The following NRXN3 variants were observed in gnomAD, a reference collection of about 807,000 sequenced individuals.
NRXN3 encodes neurexin 3.
Under a neutral mutation model 137.6 loss-of-function variants are expected in NRXN3, and 32 were observed. That is an observed-to-expected ratio of 0.23 (90% CI 0.18 to 0.31). The LOEUF (loss-of-function observed/expected upper bound fraction) is 0.31, where lower values mean the gene tolerates loss of function less well. Among genes scored for constraint, NRXN3 ranks in the 10% least tolerant of loss-of-function variants. The pLI is 1.00. For missense variants in NRXN3, 1,574 were observed against 2,062.5 expected (o/e 0.76, Z 4.59); for synonymous variants, 798 against 784.5 (o/e 1.02, Z -0.29).
intron 10 of NRXN3, among the ~76,000 whole-genome samples, chr14:78,822,562 C>A (rs1396218203): frequency 6.6e-6 from 1 of 151,952 alleles, no homozygotes; most frequent in Non-Finnish European, 1.5e-5. Flanking sequence ...GCAATCCCAG[C>A]TACTTGGGAG....
intron 4 of NRXN3, among the ~76,000 whole-genome samples, chr14:78,413,527 C>T (rs913277653): frequency 5.3e-5 from 8 of 152,144 alleles, no homozygotes; most frequent in East Asian, 3.9e-4. Flanking sequence ...TCAGGTGGTC[C>T]GGCCGAGGCC....
intron 15 of NRXN3, among the ~76,000 whole-genome samples, chr14:79,327,096 T>C (rs2153290822): frequency 6.6e-6 from 1 of 152,330 alleles, no homozygotes; most frequent in Non-Finnish European, 1.5e-5. Context: ...CTTTCTTCTT[T>C]CTTTCACACC....
chr14:78,320,693 C>T (rs75114953), intron 4 of NRXN3, among the ~76,000 whole-genome samples: 2,423 of 152,236 alleles, frequency 0.016, 70 homozygotes, highest in African/African-American at 0.055. Context: ...TTGGGGGTAC[C>T]GTGTGGCTTT....
chr14:79,614,032 T>C (rs1294208506), intron 16 of NRXN3, among the ~76,000 whole-genome samples: 4 of 152,260 alleles, frequency 2.6e-5, no homozygotes, highest in Non-Finnish European at 4.4e-5. Context: ...TAACAATTCA[T>C]GTCCAATTAT....
At chr14:78,869,544 C>T (rs961002745) in intron 10 of NRXN3, among the ~76,000 whole-genome samples, 1 of 152,136 alleles carries the variant, frequency 6.6e-6, no homozygotes, top group African/African-American at 2.4e-5. Flanking sequence ...TGTGATGGTG[C>T]TTCAGCCTGT....
chr14:79,182,601 T>C (rs1442260888), intron 15 of NRXN3, among the ~76,000 whole-genome samples: 2 of 152,172 alleles, frequency 1.3e-5, no homozygotes, highest in African/African-American at 2.4e-5. Flanking sequence ...TAAATACAGA[T>C]GAAGCTTTGC....
chr14:78,638,683 G>T (rs771130166), intron 4 of NRXN3, among the ~76,000 whole-genome samples: 1 of 152,214 alleles, frequency 6.6e-6, no homozygotes, highest in Non-Finnish European at 1.5e-5. Context: ...GGCTCTTAGA[G>T]GTAGGTGTTC....
intron 15 of NRXN3, among the ~76,000 whole-genome samples, chr14:79,039,410 C>T (rs1407933811): frequency 2.6e-5 from 4 of 152,032 alleles, no homozygotes; most frequent in Admixed American, 2.6e-4. Context: ...TTTTTATCCC[C>T]CTTATTTCCT....
intron 15 of NRXN3, among the ~76,000 whole-genome samples, chr14:79,397,414 A>C (rs557649896): frequency 5.9e-5 from 9 of 152,348 alleles, no homozygotes; most frequent in African/African-American, 2.2e-4. Flanking sequence ...ATGAATGAAC[A>C]AACACTTGGA....
intron 15 of NRXN3, among the ~76,000 whole-genome samples, chr14:79,239,963 AT>A (rs1364992859): frequency 2.0e-5 from 3 of 152,158 alleles, no homozygotes; most frequent in Admixed American, 1.3e-4. Flanking sequence ...AAACAATCAA[AT>A]TTATAGAGGC....
intron 10 of NRXN3, among the ~76,000 whole-genome samples, chr14:78,839,988 A>T (rs1248526201): frequency 1.3e-5 from 2 of 152,226 alleles, no homozygotes; most frequent in Non-Finnish European, 2.9e-5. Context: ...ATTCTGGAGC[A>T]TTAATGCAAG....
chr14:79,090,020 C>T (rs2048864245), intron 15 of NRXN3, among the ~76,000 whole-genome samples: 1 of 152,130 alleles, frequency 6.6e-6, no homozygotes, highest in Non-Finnish European at 1.5e-5. Flanking sequence ...TAAACTAACA[C>T]ATTTTGGATT....
chr14:78,642,538 G>T (rs17757157), intron 4 of NRXN3, among the ~76,000 whole-genome samples: 1 of 152,140 alleles, frequency 6.6e-6, no homozygotes, highest in African/African-American at 2.4e-5. Flanking sequence ...GGCACACAAG[G>T]TATAACTTAA....
At chr14:78,290,566 G>A (rs528972762) in intron 3 of NRXN3, among the ~76,000 whole-genome samples, 46 of 152,228 alleles carry the variant, frequency 3.0e-4, no homozygotes, top group African/African-American at 1.0e-3. Flanking sequence ...CAGGAGTTTA[G>A]GGCTGCAGTG....
chr14:79,811,770 G>A (rs1159553543), intron 20 of NRXN3, among the ~76,000 whole-genome samples: 1 of 151,612 alleles, frequency 6.6e-6, no homozygotes, highest in Admixed American at 6.6e-5. Flanking sequence ...TTTTAGTAGA[G>A]ACGGGTTTTC....
intron 6 of NRXN3, among the ~76,000 whole-genome samples, chr14:78,693,656 CGTGTGTGTGTGTGTGTGTGTGT>C (rs4016744): frequency 9.7e-4 from 110 of 113,986 alleles, no homozygotes; most frequent in African/African-American, 1.1e-3. Flanking sequence ...AGTTGATTTT[CGTGTGTGTGTGTGTGTGTGTGT>C]GTGTGTGTGT....
chr14:79,053,399 T>C (rs2099644833), intron 15 of NRXN3, among the ~76,000 whole-genome samples: 1 of 152,218 alleles, frequency 6.6e-6, no homozygotes, highest in South Asian at 2.1e-4. Context: ...GAGCTGGGAT[T>C]TGATCCAGGG....
intron 19 of NRXN3, among the ~76,000 whole-genome samples, chr14:79,705,571 T>G (rs1418490614): frequency 6.6e-6 from 1 of 152,166 alleles, no homozygotes; most frequent in Non-Finnish European, 1.5e-5. Context: ...CCGTTAAATC[T>G]TACACCTTAA....
intron 6 of NRXN3, among the ~76,000 whole-genome samples, chr14:78,698,759 T>C (rs1428968425): frequency 6.6e-6 from 1 of 152,046 alleles, no homozygotes; most frequent in Non-Finnish European, 1.5e-5. Flanking sequence ...ACTTTCCATA[T>C]AGATTGCCTT....
Sources: allele counts gnomAD v4.1 joint callset (sites outside exome capture counted in the v4.1 genomes callset), GRCh38; gene constraint gnomAD v4.1.1; transcripts MANE v1.5; gene names NCBI Gene and HGNC (gene_info 2026-07-23, HGNC 2026-07-21).